CDSN: variants seen among roughly 807,000 people sequenced by gnomAD.
CDSN encodes corneodesmosin.
In CDSN, 11 loss-of-function variants were observed where a neutral mutation model predicts 25.6. That is an observed-to-expected ratio of 0.43 (90% confidence interval 0.27 to 0.71). The LOEUF (loss-of-function observed/expected upper bound fraction) is 0.71, where lower values mean the gene tolerates loss of function less well. Ranked by LOEUF, CDSN falls within the 30% of genes least tolerant of loss-of-function variation. CDSN has a pLI of 0.20. For synonymous variants in CDSN, 266 were observed against 267.4 expected (o/e 0.99, Z 0.05); for missense variants, 598 against 670.9 (o/e 0.89, Z 1.20).
Position 31,116,180 on chromosome 6 carries a change from G to A in CDSN, c.1435C>T (p.Pro479Ser). 6.2e-7 allele frequency: 1 copy of A among 1,613,148 alleles called. No individual in the cohort carries two copies. Among genetic ancestry groups the A allele is most frequent in the Non-Finnish European group, 8.5e-7 (1 of 1,179,464 alleles). ...CCACAGGGCTTGGCACCAGCGGAGG[G>A]ATCAGGATGGGGAGAGCCATCGGGG... is the stretch of plus-strand genomic sequence containing the variant. ...GGPDGSPHPD[P>S]SAGAKPCGSS... Residue 479 changes from proline to serine, a missense_variant, in exon 2 of 2, where the codon CCC (proline) becomes TCC (serine). By Grantham distance (74) the Pro-to-Ser change is moderately conservative. Coordinates refer to ENST00000376288, the MANE Select transcript of CDSN (RefSeq NM_001264.5).
In CDSN at chr6:31,117,283, C is replaced by A; in HGVS notation, c.332G>T (p.Gly111Val). ...GGAGGAGTAGCTGACCTGGGAATAC[C>A]CCGTTCCTGGCTTAAAAGATCCTGC... The part of the protein sequence containing the change: ...GSAGSFKPGT[G>V]YSQVSYSSGS... The change falls in exon 2 of 2, where the codon GGG becomes GTG. Residue 111 changes from glycine to valine, a missense_variant. Physicochemically the swap from Gly to Val is moderately radical, Grantham distance 109. Transcript: ENST00000376288. The A allele has an allele frequency of 6.2e-7, 1 of 1,600,654 alleles. No homozygotes were observed. Among genetic ancestry groups the A allele is most frequent in the East Asian group, 2.2e-5 (1 of 44,500 alleles).
chr6:31,119,232 C>T (rs1344384870), intron 1 of CDSN, among the ~76,000 whole-genome samples: 2 of 152,144 alleles, frequency 1.3e-5, no homozygotes, highest in Non-Finnish European at 2.9e-5. Context: ...GACTGCCATC[C>T]TCTGTGATGT....
At position 31,116,740 on chromosome 6, in the gene CDSN, G is replaced by C; in HGVS notation, c.875C>G (p.Ser292Cys). The stretch of plus-strand genomic sequence containing the variant: ...ACCCACCACCTCGTAGCCACCATAG[G>C]ATTTGTCTACAGAGGTGATTGGGGG... ...PCPPITSVDKSYGGYEVVGGS... is the reference protein window; with the variant it reads ...PCPPITSVDKCYGGYEVVGGS... The change falls in exon 2 of 2, where the codon TCC becomes TGC. Residue 292 changes from serine (S) to cysteine (C), a missense_variant. Transcript: ENST00000376288. 1 of 1,613,014 alleles carries C rather than the reference G, an allele frequency of 6.2e-7. No individual in the cohort carries two copies. Among genetic ancestry groups the C allele is most frequent in the South Asian group, 1.1e-5 (1 of 91,082 alleles).
At chr6:31,119,418 G>A (rs1772343859) in intron 1 of CDSN, among the ~76,000 whole-genome samples, 1 of 152,150 alleles carries the variant, frequency 6.6e-6, no homozygotes, top group African/African-American at 2.4e-5. Context: ...ATTCCTCAAG[G>A]GCTATAAGTA....
rs140309252 is a variant in CDSN at position 31,117,426 on chromosome 6, G to A, written c.189C>T (p.Ser63=). Reference sequence around the variant, plus strand: ...TGGAGCCACTGTAGCTACTGAAACCGCTGGAGTCACCCTTCCCAGTGAGGC... The same window carrying A: ...TGGAGCCACTGTAGCTACTGAAACCACTGGAGTCACCCTTCCCAGTGAGGC... ...DPCLTGKGDS[S]GFSSYSGSSS... Residue 63 remains serine (S), a synonymous_variant, in exon 2 of 2, where the codon AGC becomes AGT. Coordinates refer to ENST00000376288, the MANE Select transcript of CDSN (RefSeq NM_001264.5). The A allele has an allele frequency of 1.2e-4, 187 of 1,560,180 alleles. No homozygotes were observed. The highest frequency in any genetic ancestry group is 2.1e-4 in the Admixed American group (11 of 51,990).
In CDSN at chr6:31,116,395, C is replaced by G; in HGVS notation, c.1220G>C (p.Ser407Thr). ...RVPSSSSISS[S>T]SGLPYHPCGS... ...GCAGGGATGGTAGGGTAAACCGGAGCTGCTGGAAATGCTAGAACTGCTGGG... is the reference window on the plus strand; with the variant it reads ...GCAGGGATGGTAGGGTAAACCGGAGGTGCTGGAAATGCTAGAACTGCTGGG... The change falls in exon 2 of 2, where the codon AGC (serine) becomes ACC (threonine). Residue 407 changes from serine to threonine, a missense_variant. Physicochemically the swap from Ser to Thr is moderately conservative, Grantham distance 58 (BLOSUM62 1). Coordinates refer to ENST00000376288, the MANE Select transcript of CDSN (RefSeq NM_001264.5). 6.2e-7 allele frequency: 1 copy of G among 1,600,942 alleles called. No homozygotes were observed. Among genetic ancestry groups the G allele is most frequent in the Non-Finnish European group, 8.5e-7 (1 of 1,173,614 alleles).
rs1057495800 is a variant in CDSN at position 31,115,886 on chromosome 6, T to C, written c.*139A>G. On this transcript the variant is annotated 3_prime_UTR_variant, in exon 2 of 2. Coordinates refer to ENST00000376288, the MANE Select transcript of CDSN (RefSeq NM_001264.5). This position sits in a 1 kb window ranked among gnomAD's most constrained non-coding sequence, Gnocchi z 4.2. ...GAGAGAGTCTGCAACCTTGGGGTAG[T>C]GGAGAAAGCAGAACCACTCTTTTGG... The C allele has an allele frequency of 9.3e-5, 67 of 718,722 alleles. No individual in the cohort carries two copies. Among genetic ancestry groups the C allele is most frequent in the Non-Finnish European group, 1.2e-4 (48 of 410,066 alleles). 44.5% of individuals were successfully genotyped at this position (718,722 alleles called of 1,614,324 possible).
rs1190478543 is a variant in CDSN at position 31,116,345 on chromosome 6, A to T, written c.1270T>A (p.Ser424Thr). ...PCGSASQSPC[S>T]PPGTGSFSSS... ...CTGAAGGAGCCGGTGCCTGGTGGGG[A>T]GCAGGGGCTCTGGGAAGCACTGCCG... The change falls in exon 2 of 2, where the codon TCC (serine) becomes ACC (threonine). Residue 424 changes from serine (S) to threonine (T), a missense_variant. By Grantham distance (58) the Ser-to-Thr change is moderately conservative (BLOSUM62 1). Coordinates refer to ENST00000376288, the MANE Select transcript of CDSN (RefSeq NM_001264.5). The T allele has an allele frequency of 6.2e-7, 1 of 1,613,018 alleles. No homozygotes were observed. The highest frequency in any genetic ancestry group is 8.5e-7 in the Non-Finnish European group (1 of 1,179,506).
chr6:31,116,100 T>G lies in CDSN; in HGVS notation c.1515A>C (p.Gln505His), dbSNP rs150111690. ...CTAGCTGGGGCCCCAGAGGCTTCAC[T>G]TGGGCTAGGATATCCCGGATGGAGC... ...PCRSIRDILAQVKPLGPQLAD... is the reference protein window; with the variant it reads ...PCRSIRDILAHVKPLGPQLAD... The change falls in exon 2 of 2, where the codon CAA (glutamine) becomes CAC (histidine). Residue 505 changes from glutamine to histidine, a missense_variant. Transcript: ENST00000376288. 2 of 1,611,848 alleles carry G rather than the reference T, an allele frequency of 1.2e-6. No homozygotes were observed. Among genetic ancestry groups the G allele is most frequent in the African/African-American group, 1.3e-5 (1 of 74,900 alleles).
Position 31,117,455 on chromosome 6 carries a change from G to T in CDSN, c.160C>A (p.Pro54Thr). ...GAGTCACCCTTCCCAGTGAGGCAGG[G>T]GTCGTTAGGGGAGGTGATACGCGTG... ...DPTRITSPND[P>T]CLTGKGDSSG... The change falls in exon 2 of 2, where the codon CCC (proline) becomes ACC (threonine). Residue 54 changes from proline (P) to threonine (T), a missense_variant. Pro to Thr is a conservative substitution (Grantham distance 38). Transcript: ENST00000376288. The T allele has an allele frequency of 6.4e-7, 1 of 1,555,724 alleles. No individual in the cohort carries two copies. The highest frequency in any genetic ancestry group is 1.2e-5 in the South Asian group (1 of 84,434).
rs1772387526 is a variant in CDSN at position 31,120,364 on chromosome 6, G to T, written c.56C>A (p.Ala19Glu). 1.3e-6 allele frequency: 2 copies of T among 1,593,254 alleles called. No individual in the cohort carries two copies. Among genetic ancestry groups the T allele is most frequent in the African/African-American group, 2.7e-5 (2 of 74,480 alleles). The change falls in exon 1 of 2, where the codon GCA becomes GAA. Residue 19 changes from alanine to glutamate, a missense_variant. Ala to Glu is a moderately radical substitution (Grantham distance 107, BLOSUM62 -1). Transcript: ENST00000376288. Reference sequence around the variant, plus strand: ...CAGGAGGAGACCAGCCAGCAGCAGTGCCATCATCCCGTGCCCACCCACACG... The same window carrying T: ...CAGGAGGAGACCAGCCAGCAGCAGTTCCATCATCCCGTGCCCACCCACACG... ...MGRVGGHGMM[A>E]LLLAGLLLPG...
chr6:31,115,872 C>T lies in CDSN; in HGVS notation c.*153G>A. 2 of 656,146 alleles carry T rather than the reference C, an allele frequency of 3.0e-6. No homozygotes were observed. Among genetic ancestry groups the T allele is most frequent in the Non-Finnish European group, 5.4e-6 (2 of 368,902 alleles). The allele number at this position is 656,146 out of a possible 1,614,324, so 40.6% of individuals were successfully genotyped here. ...GGAAGGGGTGATAAGAGAGAGTCTG[C>T]AACCTTGGGGTAGTGGAGAAAGCAG... On this transcript the variant is annotated 3_prime_UTR_variant, in exon 2 of 2. Coordinates refer to ENST00000376288, the MANE Select transcript of CDSN (RefSeq NM_001264.5). This position sits in a 1 kb window ranked among gnomAD's most constrained non-coding sequence, Gnocchi z 4.2.
chr6:31,117,926 C>A, intron 1 of CDSN: 1 of 195,014 alleles, frequency 5.1e-6, no homozygotes. Flanking sequence ...TAGACCCCGT[C>A]TGTATTTTGT....
At position 31,117,241 on chromosome 6, in the gene CDSN, A is replaced by C. The variant is rs1562753122; in HGVS notation, c.374T>G (p.Leu125Arg). The C allele has an allele frequency of 6.2e-7, 1 of 1,612,582 alleles. No homozygotes were observed. Among genetic ancestry groups the C allele is most frequent in the Non-Finnish European group, 8.5e-7 (1 of 1,179,344 alleles). Residue 125 changes from leucine to arginine, a missense_variant, in exon 2 of 2, where the codon CTA becomes CGA. Coordinates refer to ENST00000376288, the MANE Select transcript of CDSN (RefSeq NM_001264.5). ...VSYSSGSGSS[L>R]QGASGSSQLG... is the part of the protein sequence containing the mutation. ...CTGGGAGGAACCGGATGCACCTTGT[A>C]GACTAGAGCCAGATCCGGAGGAGTA...
chr6:31,117,562 A>G (rs1772232703), intron 1 of CDSN, 33 bp from the exon 2 acceptor site: 2 of 1,541,776 alleles, frequency 1.3e-6, no homozygotes, highest in East Asian at 4.9e-5. Context: ...GTAAGGGCCA[A>G]GGAGGCTTGG....
Position 31,116,800 on chromosome 6 carries a change from G to A in CDSN, c.815C>T (p.Pro272Leu). Residue 272 changes from proline to leucine, a missense_variant, in exon 2 of 2, where the codon CCC becomes CTC. Transcript: ENST00000376288. ...SGAPGVVQGP[P>L]CSNGGLPGKP... ...GCCTGGAAGGCCACCATTGCTACAG[G>A]GGGGACCTTGAACCACTCCAGGGGC... 1.2e-6 allele frequency: 2 copies of A among 1,613,862 alleles called. No individual in the cohort carries two copies. The highest frequency in any genetic ancestry group is 3.3e-4 in the Middle Eastern group (2 of 6,060).
chr6:31,119,755 A>T (rs1449220426), intron 1 of CDSN, among the ~76,000 whole-genome samples: 1 of 151,876 alleles, frequency 6.6e-6, no homozygotes, highest in Non-Finnish European at 1.5e-5. Flanking sequence ...AAAAAAAGAA[A>T]ATTAGCCAGG....
chr6:31,118,828 T>G (rs906874438), intron 1 of CDSN: 1 of 132,030 alleles, frequency 7.6e-6, no homozygotes. Context: ...CACCTGGAAG[T>G]TTTTTCTTCT....
rs778813031 is a variant in CDSN at position 31,117,203 on chromosome 6, T to A, written c.412A>T (p.Ser138Cys). ...GAGCCGCTGTTTCCCGAGTGAGAGC[T>A]GCTGCTCCCCAGCTGGGAGGAACCG... ...ASGSSQLGSS[S>C]SHSGNSGSHS... Residue 138 changes from serine (S) to cysteine (C), a missense_variant, in exon 2 of 2, where the codon AGC (serine) becomes TGC (cysteine). Transcript: ENST00000376288. 6.2e-7 allele frequency: 1 copy of A among 1,613,838 alleles called. No homozygotes were observed. Among genetic ancestry groups the A allele is most frequent in the African/African-American group, 1.3e-5 (1 of 75,066 alleles).
Sources: allele counts gnomAD v4.1 joint callset (sites outside exome capture counted in the v4.1 genomes callset), GRCh38; gene constraint gnomAD v4.1.1; non-coding constraint Gnocchi (gnomAD v3.1); transcripts MANE v1.5; gene names NCBI Gene and HGNC (gene_info 2026-07-23, HGNC 2026-07-21).